The following TRIM24 variants were observed in gnomAD, a reference collection of about 807,000 sequenced individuals.
The protein encoded by TRIM24 is transcription intermediary factor 1-alpha.
Under a neutral mutation model 123.9 loss-of-function variants are expected in TRIM24, and 29 were observed. That is an observed-to-expected ratio of 0.23 (90% CI 0.17 to 0.32). The LOEUF (loss-of-function observed/expected upper bound fraction) is 0.32, where lower values mean the gene tolerates loss of function less well. Ranked by LOEUF, TRIM24 falls within the 10% of genes least tolerant of loss-of-function variation. The pLI is 1.00. For synonymous variants in TRIM24, 456 were observed against 461.1 expected, an observed-to-expected ratio of 0.99 and a Z score of 0.14; for missense variants, 932 against 1,295.3, an observed-to-expected ratio of 0.72 and a Z score of 4.31.
intron 4 of TRIM24, among the ~76,000 whole-genome samples, chr7:138,522,584 C>T (rs1047850856): frequency 5.9e-5 from 9 of 151,948 alleles, no homozygotes; most frequent in Non-Finnish European, 1.3e-4. Flanking sequence ...ATTTAGAAGA[C>T]ATTATTGAGA....
intron 2 of TRIM24, among the ~76,000 whole-genome samples, chr7:138,508,543 C>CGTAA (rs1796197853): frequency 6.6e-6 from 1 of 152,078 alleles, no homozygotes; most frequent in Non-Finnish European, 1.5e-5. Flanking sequence ...TCTTTGATTA[C>CGTAA]CCTAAGCTAT....
chr7:138,520,419 C>T (rs1796482982), intron 4 of TRIM24, among the ~76,000 whole-genome samples: 1 of 152,186 alleles, frequency 6.6e-6, no homozygotes, highest in Non-Finnish European at 1.5e-5. Context: ...AAGAAAACAT[C>T]TAGGCCTCCA....
intron 5 of TRIM24, among the ~76,000 whole-genome samples, 161 bp downstream of exon 5, chr7:138,525,518 T>C (rs1244667262): frequency 6.6e-6 from 1 of 152,212 alleles, no homozygotes; most frequent in Non-Finnish European, 1.5e-5. Context: ...AAAGCATTCT[T>C]TTCTGCTGTA....
chr7:138,567,403 A>C, intron 9 of TRIM24, 78 bp from the exon 10 acceptor site: 5 of 1,364,112 alleles, frequency 3.7e-6, no homozygotes, highest in Non-Finnish European at 4.9e-6. Flanking sequence ...TTTCTGTAAA[A>C]GTTTTATAAG....
At chr7:138,479,200 A>G (rs998526422) in intron 1 of TRIM24, among the ~76,000 whole-genome samples, 4 of 152,194 alleles carry the variant, frequency 2.6e-5, no homozygotes, top group Non-Finnish European at 4.4e-5. Flanking sequence ...AAGCTTTTCA[A>G]AAAGTGTGAG....
At chr7:138,558,858 G>C (rs1483862222) in intron 9 of TRIM24, among the ~76,000 whole-genome samples, 1 of 152,164 alleles carries the variant, frequency 6.6e-6, no homozygotes, top group African/African-American at 2.4e-5. Context: ...TTGCCTTGGT[G>C]GTTGTTGATA....
At chr7:138,501,446 G>GTCTTGAAC (rs1246212233) in intron 1 of TRIM24, among the ~76,000 whole-genome samples, 1 of 151,898 alleles carries the variant, frequency 6.6e-6, no homozygotes, top group Admixed American at 6.6e-5. Context: ...GACCAGGCTG[G>GTCTTGAAC]TCTTGAACTC....
chr7:138,513,605 A>G (rs1371788923), intron 2 of TRIM24, among the ~76,000 whole-genome samples: 1 of 152,088 alleles, frequency 6.6e-6, no homozygotes, highest in Non-Finnish European at 1.5e-5. Flanking sequence ...AGATCTCGTG[A>G]GAACTCAGTC....
At chr7:138,490,630 G>C (rs897409981) in intron 1 of TRIM24, 4 of 324,284 alleles carry the variant, frequency 1.2e-5, no homozygotes, top group Non-Finnish European at 2.3e-5. Context: ...ACATTAGCAC[G>C]TATCTCATCC....
chr7:138,548,658 G>A (rs959713528), intron 7 of TRIM24, among the ~76,000 whole-genome samples: 4 of 152,042 alleles, frequency 2.6e-5, no homozygotes, highest in Admixed American at 1.3e-4. Context: ...AAAGCTTACC[G>A]TAACTTTTTA....
chr7:138,550,318 GGTGT>G lies in TRIM24; in HGVS notation c.1144-721_1144-718del, dbSNP rs10548154. Among the ~76,000 whole-genome samples, 976 of 147,558 alleles carry G rather than the reference GGTGT, an allele frequency of 6.6e-3. 7 individuals are homozygous for G. Among genetic ancestry groups the G allele is most frequent in the African/African-American group, 0.022 (877 of 40,122 alleles). ...TTGAGTGAGAGAAAGAGGAGTTGAT[GGTGT>G]GTGTGTGTGTGTGTGTGTGTGTGCA... On this transcript the variant is annotated intron_variant, in intron 7 of 18. Coordinates refer to ENST00000343526, the MANE Select transcript of TRIM24 (RefSeq NM_015905.3).
At chr7:138,508,999 A>C (rs916084652) in intron 2 of TRIM24, among the ~76,000 whole-genome samples, 19 of 151,998 alleles carry the variant, frequency 1.3e-4, no homozygotes, top group African/African-American at 4.6e-4. Context: ...CCCAGGCTGG[A>C]GTGCAGTGGC....
intron 2 of TRIM24, chr7:138,514,376 A>G (rs1228104697): frequency 2.6e-5 from 4 of 152,220 alleles, no homozygotes; most frequent in Non-Finnish European, 5.9e-5. Flanking sequence ...AAAAGCTTTT[A>G]ATAGACTTAT....
chr7:138,575,979 C>A (rs1232334677), intron 12 of TRIM24, among the ~76,000 whole-genome samples: 3 of 152,194 alleles, frequency 2.0e-5, no homozygotes, highest in African/African-American at 7.2e-5. Flanking sequence ...TAGGGTCTCA[C>A]TGAGATCTTA....
At chr7:138,498,539 G>T (rs1440856866) in intron 1 of TRIM24, among the ~76,000 whole-genome samples, 1 of 152,070 alleles carries the variant, frequency 6.6e-6, no homozygotes. Context: ...TGTGGGTTTA[G>T]CTATAAATTT....
chr7:138,577,192 A>C (rs968222569), intron 13 of TRIM24, among the ~76,000 whole-genome samples: 2 of 152,192 alleles, frequency 1.3e-5, no homozygotes, highest in Admixed American at 6.5e-5. Context: ...GGTTTATTGA[A>C]ACATCTTTCT....
chr7:138,570,288 A>G (rs1437122014), intron 10 of TRIM24, among the ~76,000 whole-genome samples: 1 of 152,120 alleles, frequency 6.6e-6, no homozygotes, highest in East Asian at 1.9e-4. Context: ...TCCAGACAGC[A>G]GCATGCTTCA....
chr7:138,517,172 T>G (rs1796417902), intron 3 of TRIM24, among the ~76,000 whole-genome samples: 1 of 152,194 alleles, frequency 6.6e-6, no homozygotes, highest in Admixed American at 6.5e-5. Context: ...GTGTTGTGCT[T>G]TTAATATTCT....
intron 11 of TRIM24, among the ~76,000 whole-genome samples, chr7:138,573,041 C>T (rs1229677412): frequency 2.0e-5 from 3 of 152,132 alleles, no homozygotes; most frequent in Non-Finnish European, 2.9e-5. Flanking sequence ...TCAGAGGATC[C>T]ACTAGGTCCT....
Sources: gnomAD v4.1 joint callset for allele counts (sites outside exome capture counted in the v4.1 genomes callset) on GRCh38, gnomAD v4.1.1 for gene constraint, MANE v1.5 for transcripts, NCBI Gene and HGNC (gene_info 2026-07-23, HGNC 2026-07-21) for gene names.